PTK2: variants seen among roughly 807,000 people sequenced by gnomAD.
The protein encoded by PTK2 is focal adhesion kinase 1.
A neutral mutation model predicts 150.1 loss-of-function variants in PTK2; 45 were observed. That is an observed-to-expected ratio of 0.30 (90% CI 0.24 to 0.38). The LOEUF (loss-of-function observed/expected upper bound fraction) is 0.38, where lower values mean the gene tolerates loss of function less well. PTK2 is among the 10% of genes least tolerant of loss of function. The pLI is 1.00. For missense variants in PTK2, 919 were observed against 1,307.3 expected (o/e 0.70, Z 4.58); for synonymous variants, 432 against 449.2 (o/e 0.96, Z 0.48).
intron 27 of PTK2, among the ~76,000 whole-genome samples, chr8:140,683,603 A>C (rs1163158933): frequency 1.3e-5 from 2 of 152,190 alleles, no homozygotes; most frequent in Non-Finnish European, 2.9e-5. Flanking sequence ...ATTCCTCAAC[A>C]TAATACTGGC....
intron 20 of PTK2, among the ~76,000 whole-genome samples, chr8:140,742,857 T>C (rs1293823904): frequency 1.3e-5 from 2 of 152,270 alleles, no homozygotes; most frequent in African/African-American, 2.4e-5. Flanking sequence ...TTATAATTTT[T>C]ATCAGGTTCA....
chr8:140,998,283 G>C (rs1395565345), intron 1 of PTK2, among the ~76,000 whole-genome samples: 2 of 152,056 alleles, frequency 1.3e-5, no homozygotes, highest in Non-Finnish European at 2.9e-5. Context: ...ACTTTGAAAT[G>C]CATCTTTTGT....
chr8:140,821,222 G>C (rs192106265), intron 8 of PTK2: 1 of 152,372 alleles, frequency 6.6e-6, no homozygotes, highest in East Asian at 1.9e-4. Context: ...GATTACCTAA[G>C]GCATGTGACT....
intron 2 of PTK2, among the ~76,000 whole-genome samples, chr8:140,901,686 G>T (rs547089963): frequency 6.6e-6 from 1 of 150,924 alleles, no homozygotes; most frequent in African/African-American, 2.4e-5. Flanking sequence ...TAAGTTCTGG[G>T]ATATATGTGC....
At chr8:140,767,728 T>C (rs1449847312) in intron 14 of PTK2, among the ~76,000 whole-genome samples, 1 of 152,174 alleles carries the variant, frequency 6.6e-6, no homozygotes, top group Non-Finnish European at 1.5e-5. Flanking sequence ...TCAAGTGTAA[T>C]CCCAGAATGC....
intron 1 of PTK2, among the ~76,000 whole-genome samples, chr8:140,928,778 T>C (rs2154608467): frequency 6.6e-6 from 1 of 152,052 alleles, no homozygotes; most frequent in East Asian, 1.9e-4. Context: ...TTCCAGAGGA[T>C]GAGGCTGGAA....
intron 2 of PTK2, among the ~76,000 whole-genome samples, chr8:140,903,548 T>TG (rs2100159627): frequency 1.3e-5 from 2 of 152,172 alleles, no homozygotes; most frequent in Admixed American, 1.3e-4. Flanking sequence ...AGAAAGTCAA[T>TG]GGGAGCTTCA....
chr8:140,742,475 T>C (rs1187386182), intron 20 of PTK2, among the ~76,000 whole-genome samples: 1 of 152,216 alleles, frequency 6.6e-6, no homozygotes, highest in Non-Finnish European at 1.5e-5. Flanking sequence ...AGAATGCCTC[T>C]ACCATTTTAC....
At position 140,974,525 on chromosome 8, in the gene PTK2, C is replaced by T. The variant is rs76251359; in HGVS notation, c.-122+26600G>A. On this transcript the variant is annotated intron_variant, in intron 1 of 31. Transcript: ENST00000522684. ...GGAGGAGAAACTAGGGAAAAACATT[C>T]CAATTGCTGGTTGATACAGTTCAAC... is the stretch of plus-strand genomic sequence containing the variant. Among the ~76,000 whole-genome samples, 1,253 of 152,270 alleles carry T rather than the reference C, an allele frequency of 8.2e-3. 9 individuals carry two copies. The highest frequency in any genetic ancestry group is 0.014 in the Middle Eastern group (4 of 294).
At chr8:140,825,126 C>T (rs573018500) in intron 8 of PTK2, among the ~76,000 whole-genome samples, 1 of 152,228 alleles carries the variant, frequency 6.6e-6, no homozygotes, top group Non-Finnish European at 1.5e-5. Flanking sequence ...ACTTCTCAAC[C>T]CAAACACCAA....
intron 1 of PTK2, among the ~76,000 whole-genome samples, chr8:140,983,534 A>C (rs895500805): frequency 1.3e-5 from 2 of 152,132 alleles, no homozygotes; most frequent in Non-Finnish European, 2.9e-5. Flanking sequence ...CTACTTCTTT[A>C]ATGTGTAAGA....
At chr8:140,714,912 G>A (rs1162935459) in intron 23 of PTK2, among the ~76,000 whole-genome samples, 4 of 150,076 alleles carry the variant, frequency 2.7e-5, no homozygotes, top group Non-Finnish European at 5.9e-5. Flanking sequence ...ACAAAGTATA[G>A]GAAGTGAGGA....
At chr8:140,881,438 C>T (rs558886673) in intron 3 of PTK2, among the ~76,000 whole-genome samples, 23 of 152,266 alleles carry the variant, frequency 1.5e-4, no homozygotes, top group African/African-American at 5.1e-4. Context: ...CCCTGTCCAG[C>T]TCTGCCAGAT....
chr8:140,847,819 G>C (rs933619002), intron 5 of PTK2, among the ~76,000 whole-genome samples: 1 of 152,036 alleles, frequency 6.6e-6, no homozygotes, highest in African/African-American at 2.4e-5. Flanking sequence ...TTCAATGACT[G>C]CCTCCTAGCC....
chr8:140,735,660 T>C (rs1395740669), intron 21 of PTK2, among the ~76,000 whole-genome samples: 2 of 152,184 alleles, frequency 1.3e-5, no homozygotes, highest in African/African-American at 4.8e-5. Context: ...TAAATTATTA[T>C]CAAGAAAAAT....
intron 22 of PTK2, 106 bp downstream of exon 25, chr8:140,735,145 G>T: frequency 9.6e-7 from 1 of 1,038,732 alleles, no homozygotes; most frequent in Non-Finnish European, 1.4e-6. Flanking sequence ...AAAATAGTTC[G>T]GCCTTAGACA....
At chr8:140,701,334 T>C (rs1402775114) in intron 25 of PTK2, among the ~76,000 whole-genome samples, 1 of 152,176 alleles carries the variant, frequency 6.6e-6, no homozygotes, top group Non-Finnish European at 1.5e-5. Flanking sequence ...CTAGAAGTAA[T>C]AGAAGGCTGA....
rs116214209 is a variant in PTK2, at chr8:140,831,236, T to C, written c.594-710A>G. Among the ~76,000 whole-genome samples, 436 of 152,344 alleles carry C rather than the reference T, an allele frequency of 2.9e-3. 3 individuals are homozygous for C. The highest frequency in any genetic ancestry group is 0.01 in the African/African-American group (422 of 41,564). On this transcript the variant is annotated intron_variant, in intron 7 of 31. Transcript: ENST00000522684. ...TGGAAAGAATAGCTGATTCTTTTCC[T>C]AGTACTTTGGTTACTAACTTACTCA...
intron 2 of PTK2, among the ~76,000 whole-genome samples, chr8:140,902,943 T>TTTG (rs2100159282): frequency 2.4e-5 from 3 of 122,702 alleles, no homozygotes; most frequent in Non-Finnish European, 3.5e-5. Context: ...TTTTTTTTTT[T>TTTG]TTTTTTTTTT....
Sources: allele counts gnomAD v4.1 joint callset (sites outside exome capture counted in the v4.1 genomes callset), GRCh38; gene constraint gnomAD v4.1.1; transcripts MANE v1.5; gene names NCBI Gene and HGNC (gene_info 2026-07-23, HGNC 2026-07-21).